Variants in MRPS28 observed in about 807,000 individuals in gnomAD.
MRPS28 encodes mitochondrial ribosomal protein S28, also known as small ribosomal subunit protein bS1m.
In MRPS28, 7 loss-of-function variants were observed where a neutral mutation model predicts 10.8. The ratio of observed to expected loss-of-function variants is 0.65; its 90% CI spans 0.37 to 1.22. MRPS28 has a LOEUF of 1.22. Ranked by LOEUF, MRPS28 falls within the 50% of genes most tolerant of loss-of-function variation. MRPS28 has a pLI of 0.02. For synonymous variants in MRPS28, 121 were observed against 93.3 expected (o/e 1.30, Z -1.71); for missense variants, 265 against 232.9 (o/e 1.14, Z -0.90).
In MRPS28 at chr8:79,985,338, G is replaced by T. The variant is rs371347429; in HGVS notation, c.395+17661C>A. ...AGAGAAAGCAGGAAAGATCCAAAAT[G>T]GACACCCTAACATCACAATTAGAAG... On this transcript the variant is annotated intron_variant, in intron 2 of 2. Coordinates refer to ENST00000276585, the MANE Select transcript of MRPS28 (RefSeq NM_014018.3). Among the ~76,000 whole-genome samples, 169 of 152,068 alleles carry T rather than the reference G, an allele frequency of 1.1e-3. 1 individual carries two copies. In the South Asian group the frequency reaches 0.032, roughly 29 times the overall value.
chr8:80,026,571 G>A (rs917739025), intron 1 of MRPS28, among the ~76,000 whole-genome samples: 4 of 152,162 alleles, frequency 2.6e-5, no homozygotes, highest in Non-Finnish European at 4.4e-5. Flanking sequence ...TATGGGTCAA[G>A]GACTGTGCTA....
chr8:79,961,369 T>C (rs1379415452), intron 2 of MRPS28, among the ~76,000 whole-genome samples: 2 of 152,152 alleles, frequency 1.3e-5, no homozygotes, highest in Non-Finnish European at 2.9e-5. Context: ...CTGCTACAGA[T>C]GTTCAGCTTC....
intron 2 of MRPS28, among the ~76,000 whole-genome samples, chr8:79,998,402 G>A (rs1437248742): frequency 6.6e-6 from 1 of 152,154 alleles, no homozygotes; most frequent in African/African-American, 2.4e-5. Flanking sequence ...TCCCATGCAT[G>A]TCTCAAAATC....
chr8:79,946,978 A>C (rs990998448), intron 2 of MRPS28, among the ~76,000 whole-genome samples: 1 of 152,214 alleles, frequency 6.6e-6, no homozygotes, highest in Non-Finnish European at 1.5e-5. Flanking sequence ...AGAAATAAGA[A>C]GCAAATACAA....
intron 2 of MRPS28, among the ~76,000 whole-genome samples, chr8:79,967,396 C>A (rs1449280792): frequency 6.6e-6 from 1 of 152,172 alleles, no homozygotes; most frequent in South Asian, 2.1e-4. Context: ...AATTCTCTTT[C>A]TCCTGTTCCC....
intron 2 of MRPS28, among the ~76,000 whole-genome samples, chr8:79,943,374 A>G (rs1005136011): frequency 2.6e-5 from 4 of 152,234 alleles, no homozygotes; most frequent in Non-Finnish European, 5.9e-5. Flanking sequence ...TCATCACAAA[A>G]TATTGCATTG....
chr8:79,956,293 T>G (rs555925313), intron 2 of MRPS28, among the ~76,000 whole-genome samples: 6 of 152,192 alleles, frequency 3.9e-5, no homozygotes, highest in Middle Eastern at 3.4e-3. Flanking sequence ...TATATCAAAA[T>G]TATACGTGGC....
At chr8:79,977,637 C>T (rs185534743) in intron 2 of MRPS28, among the ~76,000 whole-genome samples, 4 of 152,062 alleles carry the variant, frequency 2.6e-5, no homozygotes, top group Admixed American at 6.5e-5. Flanking sequence ...GCCAACATGG[C>T]GAAATCCCAT....
intron 2 of MRPS28, among the ~76,000 whole-genome samples, chr8:80,002,117 C>T (rs549756365): frequency 3.9e-5 from 6 of 152,128 alleles, no homozygotes; most frequent in Non-Finnish European, 7.4e-5. Context: ...TTTAGATATC[C>T]AGCTCTCAGG....
intron 2 of MRPS28, among the ~76,000 whole-genome samples, chr8:79,944,106 T>C (rs934392816): frequency 6.6e-6 from 1 of 152,186 alleles, no homozygotes; most frequent in Non-Finnish European, 1.5e-5. Flanking sequence ...CAATAATGAA[T>C]ATAAAAATGG....
At chr8:79,936,618 A>G (rs1390037824) in intron 2 of MRPS28, among the ~76,000 whole-genome samples, 1 of 152,224 alleles carries the variant, frequency 6.6e-6, no homozygotes, top group African/African-American at 2.4e-5. Flanking sequence ...GGATTGGTTA[A>G]ATAAATTATG....
intron 2 of MRPS28, 54 bp downstream of exon 2, chr8:80,002,945 G>T: frequency 7.3e-7 from 1 of 1,368,108 alleles, no homozygotes; most frequent in Non-Finnish European, 9.7e-7. Context: ...ATACTTTTGC[G>T]CTATCCCAAC....
At chr8:79,970,492 C>T (rs1256766633) in intron 2 of MRPS28, among the ~76,000 whole-genome samples, 1 of 152,184 alleles carries the variant, frequency 6.6e-6, no homozygotes, top group Middle Eastern at 3.2e-3. Context: ...ATTTTATCAT[C>T]AAGAAGTTAT....
intron 2 of MRPS28, among the ~76,000 whole-genome samples, chr8:79,965,351 C>T (rs1807477361): frequency 6.6e-6 from 1 of 152,172 alleles, no homozygotes; most frequent in Admixed American, 6.5e-5. Context: ...TAACACTATA[C>T]TGTCTCATTA....
intron 2 of MRPS28, among the ~76,000 whole-genome samples, chr8:79,979,412 A>G (rs1807890700): frequency 6.6e-6 from 1 of 152,218 alleles, no homozygotes; most frequent in Non-Finnish European, 1.5e-5. Flanking sequence ...GAGAAGCTAG[A>G]TATGTTGTAT....
chr8:79,929,359 T>A (rs1806398174), intron 2 of MRPS28, among the ~76,000 whole-genome samples: 1 of 152,142 alleles, frequency 6.6e-6, no homozygotes. Flanking sequence ...CTCCTTTCAC[T>A]TTTCTGACCA....
chr8:79,995,794 G>A (rs2130135821), intron 2 of MRPS28, among the ~76,000 whole-genome samples: 1 of 152,236 alleles, frequency 6.6e-6, no homozygotes, highest in East Asian at 1.9e-4. Flanking sequence ...GAGGCTGCTA[G>A]GTCCTTACTC....
chr8:79,933,167 G>C (rs1208680373), intron 2 of MRPS28, among the ~76,000 whole-genome samples: 1 of 152,166 alleles, frequency 6.6e-6, no homozygotes, highest in African/African-American at 2.4e-5. Flanking sequence ...CAGATCGGGT[G>C]GCTTAAACAA....
At chr8:79,935,068 GTGT>G (rs1257532524) in intron 2 of MRPS28, among the ~76,000 whole-genome samples, 1 of 152,232 alleles carries the variant, frequency 6.6e-6, no homozygotes, top group Non-Finnish European at 1.5e-5. Flanking sequence ...CAAAATGAGT[GTGT>G]TATTAGCCAG....
Sources: allele counts gnomAD v4.1 joint callset (sites outside exome capture counted in the v4.1 genomes callset), GRCh38; gene constraint gnomAD v4.1.1; transcripts MANE v1.5; gene names NCBI Gene and HGNC (gene_info 2026-07-23, HGNC 2026-07-21).